COL23A1: variants seen among roughly 807,000 people sequenced by gnomAD.
The protein encoded by COL23A1 is collagen alpha-1(XXIII) chain.
COL23A1 carries 97 observed loss-of-function variants against 99.3 expected under a neutral mutation model. The ratio of observed to expected loss-of-function variants is 0.98; its 90% CI spans 0.83 to 1.16. The LOEUF is 1.16. Among genes scored for constraint, COL23A1 ranks in the 50% most tolerant of loss-of-function variants. COL23A1 has a pLI of 0.00. For synonymous variants in COL23A1, 320 were observed against 308.2 expected (o/e 1.04, Z -0.40); for missense variants, 762 against 757.4 (o/e 1.01, Z -0.07).
intron 2 of COL23A1, among the ~76,000 whole-genome samples, chr5:178,538,563 AC>A (rs1761109627): frequency 6.6e-6 from 1 of 152,224 alleles, no homozygotes; most frequent in Non-Finnish European, 1.5e-5. Context: ...CCATTTGCAA[AC>A]CACATTTTGA....
chr5:178,352,717 T>C (rs1372063608), intron 2 of COL23A1, among the ~76,000 whole-genome samples: 4 of 152,230 alleles, frequency 2.6e-5, no homozygotes, highest in Non-Finnish European at 5.9e-5. Context: ...TTTCTAAGCA[T>C]GCCCCTCTGA....
chr5:178,366,977 G>A lies in COL23A1; in HGVS notation c.362-60058C>T, dbSNP rs2127714717. Among the ~76,000 whole-genome samples the A allele has an allele frequency of 6.6e-6, 1 of 152,346 alleles. No individual in the cohort carries two copies. The highest frequency in any genetic ancestry group is 1.9e-4 in the East Asian group (1 of 5,192). ...ATTCCAGGTGTCTCCTACGGACCTGGAATGGGGTGGTCATTTGGTGCGTGT... is the reference window on the plus strand; with the variant it reads ...ATTCCAGGTGTCTCCTACGGACCTGAAATGGGGTGGTCATTTGGTGCGTGT... On this transcript the variant is annotated intron_variant, in intron 2 of 28. Coordinates refer to ENST00000390654, the MANE Select transcript of COL23A1 (RefSeq NM_173465.4). The surrounding 1 kb of genome is among the most constrained non-coding windows in gnomAD (Gnocchi z 4.4).
At chr5:178,408,382 A>G (rs1764868287) in intron 2 of COL23A1, among the ~76,000 whole-genome samples, 1 of 152,232 alleles carries the variant, frequency 6.6e-6, no homozygotes, top group African/African-American at 2.4e-5. Context: ...AGGGAGGGAG[A>G]AAGAACACAG....
At chr5:178,472,858 C>T (rs1345205129) in intron 2 of COL23A1, among the ~76,000 whole-genome samples, 2 of 152,174 alleles carry the variant, frequency 1.3e-5, no homozygotes, top group Non-Finnish European at 2.9e-5. Flanking sequence ...GACACAGTGG[C>T]TCATGTCTGT....
chr5:178,556,270 G>A (rs895740392), intron 2 of COL23A1, among the ~76,000 whole-genome samples: 13 of 152,068 alleles, frequency 8.5e-5, no homozygotes, highest in East Asian at 5.8e-4. Context: ...AAAACAATGC[G>A]GGATAACTGT....
chr5:178,415,839 A>G lies in COL23A1; in HGVS notation c.362-108920T>C, dbSNP rs1296959383. ...ACTCCTCGAGGGCACAACTGCAGAC[A>G]TCAGGGGCAGGATAAGGGAGAGGAG... On this transcript the variant is annotated intron_variant, in intron 2 of 28. Coordinates refer to ENST00000390654, the MANE Select transcript of COL23A1 (RefSeq NM_173465.4). This position sits in a 1 kb window ranked among gnomAD's most constrained non-coding sequence, Gnocchi z 4.6. 6.6e-6 allele frequency among the ~76,000 whole-genome samples: 1 copy of G among 152,176 alleles called. No homozygotes were observed. The highest frequency in any genetic ancestry group is 1.5e-5 in the Non-Finnish European group (1 of 68,028).
In COL23A1 at chr5:178,457,655, C is replaced by T. The variant is rs139756133; in HGVS notation, c.361+103027G>A. Among the ~76,000 whole-genome samples the T allele has an allele frequency of 5.7e-3, 860 of 152,126 alleles. 4 individuals are homozygous for T. The highest frequency in any genetic ancestry group is 9.7e-3 in the Non-Finnish European group (662 of 67,964). On this transcript the variant is annotated intron_variant, in intron 2 of 28. Transcript: ENST00000390654. ...ACAAAAAGAAGTGCCCAAACAAAAC[C>T]AAAAGCCACTTAAATTGCGTTTGGT... is the stretch of plus-strand genomic sequence containing the variant.
intron 7 of COL23A1, among the ~76,000 whole-genome samples, chr5:178,268,033 C>T (rs1756002920): frequency 6.6e-6 from 1 of 152,254 alleles, no homozygotes. Flanking sequence ...CTCCCCACGG[C>T]TCCCGCAGCC....
At chr5:178,265,435 C>G (rs1305145803) in intron 8 of COL23A1, among the ~76,000 whole-genome samples, 1 of 152,126 alleles carries the variant, frequency 6.6e-6, no homozygotes, top group Non-Finnish European at 1.5e-5. Flanking sequence ...TTATAAAGGG[C>G]CTCAGGCTGG....
At chr5:178,474,524 CAA>C (rs11361854) in intron 2 of COL23A1, among the ~76,000 whole-genome samples, 20 of 151,742 alleles carry the variant, frequency 1.3e-4, no homozygotes, top group East Asian at 9.7e-4. Context: ...TGTGAGATGT[CAA>C]AAAAAAAAAT....
intron 2 of COL23A1, among the ~76,000 whole-genome samples, chr5:178,335,596 A>G (rs1050475201): frequency 3.3e-5 from 5 of 152,222 alleles, no homozygotes; most frequent in Non-Finnish European, 7.3e-5. Flanking sequence ...CCCTTGTGCT[A>G]GAATATGCCA....
chr5:178,323,849 C>A (rs1245089835), intron 2 of COL23A1, among the ~76,000 whole-genome samples: 1 of 152,174 alleles, frequency 6.6e-6, no homozygotes, highest in Admixed American at 6.5e-5. Flanking sequence ...GAGGTAGCAT[C>A]AACCCTCCTT....
chr5:178,587,174 A>C (rs748619097), intron 1 of COL23A1, among the ~76,000 whole-genome samples: 3 of 152,248 alleles, frequency 2.0e-5, no homozygotes, highest in Non-Finnish European at 4.4e-5. Context: ...TATTTAAAGC[A>C]CTTTAAGAGG....
rs556998096 is a variant in COL23A1, at chr5:178,506,686, A to T, written c.361+53996T>A. Reference sequence around the variant, plus strand: ...ATGACGACAAGATTTTACTTAATTTATACTTCTTCCCTCACAATGAAAACC... The same window carrying T: ...ATGACGACAAGATTTTACTTAATTTTTACTTCTTCCCTCACAATGAAAACC... On this transcript the variant is annotated intron_variant, in intron 2 of 28. Transcript: ENST00000390654. Among the ~76,000 whole-genome samples the T allele has an allele frequency of 9.2e-5, 14 of 152,318 alleles. 1 individual carries two copies. The South Asian group carries it at 2.9e-3, about 32-fold the overall frequency.
chr5:178,405,226 C>T (rs1330916073), intron 2 of COL23A1, among the ~76,000 whole-genome samples: 1 of 152,224 alleles, frequency 6.6e-6, no homozygotes, highest in African/African-American at 2.4e-5. Flanking sequence ...GGCTCTGAGG[C>T]CACCTCCACC....
intron 5 of COL23A1, among the ~76,000 whole-genome samples, chr5:178,274,187 C>T (rs1424571100): frequency 6.6e-6 from 1 of 152,230 alleles, no homozygotes; most frequent in Non-Finnish European, 1.5e-5. Flanking sequence ...TCCTTCCACC[C>T]CTGCAATGGG....
intron 2 of COL23A1, among the ~76,000 whole-genome samples, chr5:178,442,062 G>A (rs1766898856): frequency 6.6e-6 from 1 of 151,978 alleles, no homozygotes; most frequent in Admixed American, 6.6e-5. Context: ...CCTCTGGGAC[G>A]TCCAACTGAG....
rs1445319416 is a variant in COL23A1 at position 178,544,096 on chromosome 5, A to C, written c.361+16586T>G. Among the ~76,000 whole-genome samples the C allele has an allele frequency of 6.6e-6, 1 of 152,076 alleles. No homozygotes were observed. Among genetic ancestry groups the C allele is most frequent in the Non-Finnish European group, 1.5e-5 (1 of 67,994 alleles). On this transcript the variant is annotated intron_variant, in intron 2 of 28. Coordinates refer to ENST00000390654, the MANE Select transcript of COL23A1 (RefSeq NM_173465.4). This position sits in a 1 kb window ranked among gnomAD's most constrained non-coding sequence, Gnocchi z 4.4. Reference sequence around the variant, plus strand: ...ATTTCAACATATGACTTTGGGACACAAGATTCAGTCCACAGCATAATCTCC... The same window carrying C: ...ATTTCAACATATGACTTTGGGACACCAGATTCAGTCCACAGCATAATCTCC...
chr5:178,246,232 G>T, intron 24 of COL23A1, 22 bp downstream of exon 24: 1 of 1,552,922 alleles, frequency 6.4e-7, no homozygotes. Context: ...GTTGGAGAGG[G>T]AGTTCCGAAT....
Sources: gnomAD v4.1 joint callset for allele counts (sites outside exome capture counted in the v4.1 genomes callset) on GRCh38, gnomAD v4.1.1 for gene constraint, Gnocchi (gnomAD v3.1) non-coding constraint, MANE v1.5 for transcripts, NCBI Gene and HGNC (gene_info 2026-07-23, HGNC 2026-07-21) for gene names.